The following LHX6 variants were observed in gnomAD, a reference collection of about 807,000 sequenced individuals.
LHX6 encodes the protein LIM homeobox 6.
Under a neutral mutation model 47.1 loss-of-function variants are expected in LHX6, and 15 were observed. That is an observed-to-expected ratio of 0.32 (90% CI 0.21 to 0.49). The LOEUF (loss-of-function observed/expected upper bound fraction) is 0.49. Ranked by LOEUF, LHX6 falls within the 20% of genes least tolerant of loss-of-function variation. The probability of loss-of-function intolerance (pLI) is 0.99; values close to 1 mark genes in which losing one functional copy is unlikely to be tolerated. For missense variants in LHX6, 404 were observed against 539.6 expected, an observed-to-expected ratio of 0.75 and a Z score of 2.49; for synonymous variants, 242 against 233.5, an observed-to-expected ratio of 1.04 and a Z score of -0.33.
Position 122,204,714 on chromosome 9 carries a change from G to A in LHX6, c.*46C>T. 6.3e-7 allele frequency: 1 copy of A among 1,595,506 alleles called. No homozygotes were observed. The highest frequency in any genetic ancestry group is 8.5e-7 in the Non-Finnish European group (1 of 1,170,956). On this transcript the variant is annotated 3_prime_UTR_variant, in exon 10 of 10. Coordinates refer to ENST00000394319, the MANE Select transcript of LHX6 (RefSeq NM_014368.5). ...GGACACTGGATCTCAGCGGCTGAGG[G>A]GCAGCTGTGGGGCGCCCACGGGCAG... is the stretch of plus-strand genomic sequence containing the variant.
At chr9:122,209,494 C>T (rs753254280) in intron 9 of LHX6, 120 bp downstream of exon 9, 62 of 1,451,898 alleles carry the variant, frequency 4.3e-5, no homozygotes, top group Admixed American at 1.6e-4. Flanking sequence ...CTCAGCAGGC[C>T]GGGCAGACAG....
intron 5 of LHX6, among the ~76,000 whole-genome samples, chr9:122,216,253 C>G (rs1004160668): frequency 6.6e-6 from 1 of 152,192 alleles, no homozygotes. Context: ...CAGACCCTAA[C>G]AGGGAAATTA....
rs777036482 is a variant in LHX6, at chr9:122,226,544, C to T, written c.340-47G>A. ...AGGTCGGCTCAGCGCGGGCCTCTTT[C>T]ACTCCGGGCCCCAGCCTTCCCGGTC... On this transcript the variant is annotated intron_variant, in intron 3 of 9. Coordinates refer to ENST00000394319, the MANE Select transcript of LHX6 (RefSeq NM_014368.5). This position sits in a 1 kb window ranked among gnomAD's most constrained non-coding sequence, Gnocchi z 6.5. 6.3e-7 allele frequency: 1 copy of T among 1,587,014 alleles called. No individual in the cohort carries two copies. Among genetic ancestry groups the T allele is most frequent in the Non-Finnish European group, 8.5e-7 (1 of 1,171,376 alleles).
Position 122,204,425 on chromosome 9 carries a change from C to G in LHX6, c.*335G>C, listed in dbSNP as rs187853257. On this transcript the variant is annotated 3_prime_UTR_variant, in exon 10 of 10. Transcript: ENST00000394319. Reference sequence around the variant, plus strand: ...CTGTAAATGAGAAGGCCGTTGGCATCGCACAATTCAATTCCGCCTTTTGTT... The same window carrying G: ...CTGTAAATGAGAAGGCCGTTGGCATGGCACAATTCAATTCCGCCTTTTGTT... 3 of 374,662 alleles carry G rather than the reference C, an allele frequency of 8.0e-6. No individual in the cohort carries two copies. Among genetic ancestry groups the G allele is most frequent in the Non-Finnish European group, 1.4e-5 (3 of 210,660 alleles). The allele number at this position is 374,662 out of a possible 1,614,324, so 23.2% of individuals were successfully genotyped here.
intron 9 of LHX6, among the ~76,000 whole-genome samples, chr9:122,208,104 C>A (rs1438541679): frequency 1.3e-5 from 2 of 152,120 alleles, no homozygotes; most frequent in Non-Finnish European, 2.9e-5. Context: ...TGCAGCAGGC[C>A]CTCCAGGACC....
intron 4 of LHX6, among the ~76,000 whole-genome samples, chr9:122,224,405 G>A (rs1359534370): frequency 6.6e-6 from 1 of 152,096 alleles, no homozygotes; most frequent in African/African-American, 2.4e-5. Flanking sequence ...TCCATTTCCT[G>A]TCCTGGCCAA....
chr9:122,209,986 C>T (rs1830340868), intron 8 of LHX6, among the ~76,000 whole-genome samples: 1 of 152,150 alleles, frequency 6.6e-6, no homozygotes, highest in Non-Finnish European at 1.5e-5. Flanking sequence ...GGCCATTCTC[C>T]TGCCTCAGCC....
chr9:122,213,713 C>A lies in LHX6; in HGVS notation c.947G>T (p.Gly316Val). ...HTPQHPVPPS[G>V]APPSRLPSAL... ...GGAGGGAAGGCGGGACGGGGGCGCC[C>A]CCGAGGGCGGCACTGGGTGTTGCGG... is the stretch of plus-strand genomic sequence containing the variant. Residue 316 changes from glycine (G) to valine (V), a missense_variant, in exon 8 of 10, where the codon GGG (glycine) becomes GTG (valine). Physicochemically the swap from Gly to Val is moderately radical, Grantham distance 109 (BLOSUM62 -3). Around this residue, in one of 7 missense-constraint regions of LHX6, gnomAD observed 127 missense variants for 116.1 expected, o/e 1.09. Transcript: ENST00000394319. This position sits in a 1 kb window ranked among gnomAD's most constrained non-coding sequence, Gnocchi z 5.5. 1 of 1,612,218 alleles carries A rather than the reference C, an allele frequency of 6.2e-7. No homozygotes were observed. The highest frequency in any genetic ancestry group is 8.5e-7 in the Non-Finnish European group (1 of 1,179,526).
At chr9:122,228,178 G>A in intron 1 of LHX6, 1 of 1,299,684 alleles carries the variant, frequency 7.7e-7, no homozygotes, top group African/African-American at 1.5e-5. Context: ...GGCGCCTTTC[G>A]AGGGCCAGTC....
In LHX6 at chr9:122,217,704, C is replaced by T. The variant is rs1276011511; in HGVS notation, c.462-416G>A. Among the ~76,000 whole-genome samples, 1 of 152,100 alleles carries T rather than the reference C, an allele frequency of 6.6e-6. No homozygotes were observed. The highest frequency in any genetic ancestry group is 1.5e-5 in the Non-Finnish European group (1 of 68,028). On this transcript the variant is annotated intron_variant, in intron 4 of 9. Coordinates refer to ENST00000394319, the MANE Select transcript of LHX6 (RefSeq NM_014368.5). This position sits in a 1 kb window ranked among gnomAD's most constrained non-coding sequence, Gnocchi z 4.9. ...ATTTTGCAGGTGAGGAAAATGGGGA[C>T]TAGAGAGGTAAAGTAACTTGCAGGA...
At chr9:122,225,918 A>C (rs1831075619) in intron 4 of LHX6, among the ~76,000 whole-genome samples, 1 of 152,202 alleles carries the variant, frequency 6.6e-6, no homozygotes, top group South Asian at 2.1e-4. Context: ...AGCCCAGCTC[A>C]GCGTCCAGCC....
chr9:122,202,776 C>T lies in LHX6; in HGVS notation c.*1984G>A, dbSNP rs1336232732. Reference sequence around the variant, plus strand: ...ATAGTCTTGATGGCCTGTACGTTCCCAGGCTGCTCTTAACAGGGTAGTGGA... The same window carrying T: ...ATAGTCTTGATGGCCTGTACGTTCCTAGGCTGCTCTTAACAGGGTAGTGGA... On this transcript the variant is annotated 3_prime_UTR_variant, in exon 10 of 10. Coordinates refer to ENST00000394319, the MANE Select transcript of LHX6 (RefSeq NM_014368.5). The T allele has an allele frequency of 6.6e-6, 1 of 152,500 alleles. No homozygotes were observed. The highest frequency in any genetic ancestry group is 1.5e-5 in the Non-Finnish European group (1 of 68,042). The allele number at this position is 152,500 out of a possible 1,614,324, so 9.4% of individuals were successfully genotyped here. A position where few individuals can be genotyped will look rare whatever the true frequency, so the allele number is the denominator to read the frequency against.
rs76976529 is a variant in LHX6, at chr9:122,213,093, G to A, written c.1054+513C>T. ...CTGGGCCAGGGCCTGCGTGCATTCCGTTCCCCCACTCCAGGTACCTCACTA... is the reference window on the plus strand; with the variant it reads ...CTGGGCCAGGGCCTGCGTGCATTCCATTCCCCCACTCCAGGTACCTCACTA... On this transcript the variant is annotated intron_variant, in intron 8 of 9. Transcript: ENST00000394319. This position sits in a 1 kb window ranked among gnomAD's most constrained non-coding sequence, Gnocchi z 5.5. Among the ~76,000 whole-genome samples the A allele has an allele frequency of 6.6e-6, 1 of 151,788 alleles. No homozygotes were observed.
intron 1 of LHX6, 176 bp from the exon 2 acceptor site, chr9:122,227,656 A>T: frequency 7.7e-7 from 1 of 1,302,744 alleles, no homozygotes; most frequent in Admixed American, 3.7e-5. Flanking sequence ...CTAATGAAGC[A>T]ATTTGAATTT....
At position 122,227,485 on chromosome 9, in the gene LHX6, GGGA is replaced by G. The variant is rs778098551; in HGVS notation, c.85-8_85-6del. The G allele has an allele frequency of 2.6e-6, 4 of 1,520,430 alleles. No individual in the cohort carries two copies. In the South Asian group the frequency reaches 4.8e-5, roughly 18 times the overall value. 94.2% of individuals were successfully genotyped at this position (1,520,430 alleles called of 1,614,324 possible). ...GGACCCTGGCTGGGCCATCACCTGG[GGGA>G]GGGGGGGAGGGAACGCAGGCGGCGG... On this transcript the variant is annotated splice_region_variant and splice_polypyrimidine_tract_variant and intron_variant, in intron 1 of 9. Coordinates refer to ENST00000394319, the MANE Select transcript of LHX6 (RefSeq NM_014368.5).
intron 4 of LHX6, chr9:122,221,117 A>C (rs553290661): frequency 5.1e-6 from 5 of 985,362 alleles, no homozygotes; most frequent in Non-Finnish European, 6.0e-6. Context: ...GACCTTCTTG[A>C]AGGCTTTAGA....
At chr9:122,223,093 A>G (rs1830939657) in intron 4 of LHX6, among the ~76,000 whole-genome samples, 1 of 152,224 alleles carries the variant, frequency 6.6e-6, no homozygotes, top group Non-Finnish European at 1.5e-5. Flanking sequence ...CTTGGGCTGC[A>G]GTGCAGTGCA....
chr9:122,221,422 C>A (rs761852473), intron 4 of LHX6: 12 of 985,398 alleles, frequency 1.2e-5, no homozygotes, highest in South Asian at 4.7e-5. Flanking sequence ...CCTCGCTTTG[C>A]GGGAGGGGGT....
In LHX6 at chr9:122,226,116, G is replaced by A. The variant is rs1199917499; in HGVS notation, c.461+260C>T. On this transcript the variant is annotated intron_variant, in intron 4 of 9. Transcript: ENST00000394319. This position sits in a 1 kb window ranked among gnomAD's most constrained non-coding sequence, Gnocchi z 6.5. ...AGACTTAGGCAGGACCCGAGACAGA[G>A]CCAGAGACGATACCGAAACCCAATG... 6.6e-6 allele frequency among the ~76,000 whole-genome samples: 1 copy of A among 152,192 alleles called. No individual in the cohort carries two copies. Among genetic ancestry groups the A allele is most frequent in the Non-Finnish European group, 1.5e-5 (1 of 68,042 alleles).
Sources: allele counts gnomAD v4.1 joint callset (sites outside exome capture counted in the v4.1 genomes callset), GRCh38; gene constraint gnomAD v4.1.1; regional missense constraint gnomAD v4.1.1; non-coding constraint Gnocchi (gnomAD v3.1); transcripts MANE v1.5; gene names NCBI Gene and HGNC (gene_info 2026-07-23, HGNC 2026-07-21).